The following CADPS2 variants were observed in gnomAD, a reference collection of about 807,000 sequenced individuals.
CADPS2 encodes the protein calcium-dependent secretion activator 2.
CADPS2 carries 93 observed loss-of-function variants against 172.5 expected under a neutral mutation model. That is an observed-to-expected ratio of 0.54 (90% CI 0.46 to 0.64). CADPS2 has a LOEUF of 0.64. Among genes scored for constraint, CADPS2 ranks in the 30% least tolerant of loss-of-function variants. The pLI is 0.00. For missense variants in CADPS2, 1,420 were observed against 1,565.9 expected (o/e 0.91, Z 1.57); for synonymous variants, 546 against 555.2 (o/e 0.98, Z 0.23).
At chr7:122,774,123 TTTTCAA>T (rs1454750259) in intron 1 of CADPS2, among the ~76,000 whole-genome samples, 1 of 152,024 alleles carries the variant, frequency 6.6e-6, no homozygotes, top group Non-Finnish European at 1.5e-5. Flanking sequence ...TTCAATTACA[TTTTCAA>T]TTTCAATCAC....
intron 3 of CADPS2, among the ~76,000 whole-genome samples, chr7:122,634,572 A>T (rs2076881525): frequency 6.6e-6 from 1 of 152,116 alleles, no homozygotes; most frequent in South Asian, 2.1e-4. Context: ...TTGTTAATCT[A>T]GCTAGCAGTC....
intron 7 of CADPS2, among the ~76,000 whole-genome samples, chr7:122,557,735 A>G (rs534210662): frequency 3.0e-4 from 45 of 152,218 alleles, no homozygotes; most frequent in Non-Finnish European, 5.1e-4. Flanking sequence ...TGGTGGCCAC[A>G]AGGGTGAACT....
chr7:122,723,599 C>T (rs995720526), intron 2 of CADPS2, among the ~76,000 whole-genome samples: 3 of 152,148 alleles, frequency 2.0e-5, no homozygotes, highest in East Asian at 3.9e-4. Flanking sequence ...ACTAGTTCAA[C>T]CATTGTGGAA....
intron 3 of CADPS2, among the ~76,000 whole-genome samples, chr7:122,641,845 G>C (rs2077679754): frequency 6.6e-6 from 1 of 151,218 alleles, no homozygotes; most frequent in Non-Finnish European, 1.5e-5. Flanking sequence ...GGCTCTCCAG[G>C]AGTTCATATG....
chr7:122,489,032 C>G (rs574793818), intron 11 of CADPS2, among the ~76,000 whole-genome samples: 1 of 151,888 alleles, frequency 6.6e-6, no homozygotes, highest in Non-Finnish European at 1.5e-5. Context: ...GATGACAATG[C>G]TACTAATTTT....
intron 28 of CADPS2, among the ~76,000 whole-genome samples, chr7:122,335,522 T>C (rs1005095805): frequency 6.6e-6 from 1 of 152,210 alleles, no homozygotes; most frequent in Non-Finnish European, 1.5e-5. Flanking sequence ...CTTTAAGTTA[T>C]GTAGCCAGTG....
intron 1 of CADPS2, among the ~76,000 whole-genome samples, chr7:122,868,745 G>A (rs1818944062): frequency 6.6e-6 from 1 of 152,198 alleles, no homozygotes; most frequent in Admixed American, 6.5e-5. Flanking sequence ...AATGAATGGA[G>A]ATATGTTTCT....
intron 1 of CADPS2, among the ~76,000 whole-genome samples, chr7:122,818,919 C>T (rs1584609432): frequency 2.0e-5 from 3 of 152,156 alleles, no homozygotes; most frequent in Non-Finnish European, 2.9e-5. Flanking sequence ...CCTAAAAGGT[C>T]AAAAGGCCGT....
chr7:122,688,147 C>T (rs2083874001), intron 2 of CADPS2, among the ~76,000 whole-genome samples: 1 of 152,190 alleles, frequency 6.6e-6, no homozygotes. Flanking sequence ...CTCCCCCTGA[C>T]CCATACCCAC....
chr7:122,771,787 A>G (rs2093710688), intron 1 of CADPS2, among the ~76,000 whole-genome samples: 2 of 152,204 alleles, frequency 1.3e-5, no homozygotes, highest in Admixed American at 1.3e-4. Context: ...TAAGCAATGC[A>G]GTAAGGCTAA....
At chr7:122,625,251 T>C (rs955166896) in intron 4 of CADPS2, among the ~76,000 whole-genome samples, 5 of 151,972 alleles carry the variant, frequency 3.3e-5, no homozygotes, top group African/African-American at 1.2e-4. Context: ...GGTTTCTCCA[T>C]GTTGGTCAGG....
At chr7:122,839,128 A>G (rs1809552373) in intron 1 of CADPS2, among the ~76,000 whole-genome samples, 1 of 152,196 alleles carries the variant, frequency 6.6e-6, no homozygotes, top group African/African-American at 2.4e-5. Flanking sequence ...AATACCACAC[A>G]TCTATAACCA....
intron 6 of CADPS2, among the ~76,000 whole-genome samples, chr7:122,595,751 A>G (rs561202654): frequency 6.6e-6 from 1 of 152,220 alleles, no homozygotes; most frequent in Admixed American, 6.5e-5. Flanking sequence ...ATTTCCAACT[A>G]CACAGAAGTA....
chr7:122,496,703 C>A (rs982982766), intron 9 of CADPS2, among the ~76,000 whole-genome samples: 7 of 152,086 alleles, frequency 4.6e-5, no homozygotes, highest in South Asian at 4.1e-4. Context: ...TCATTGTTAT[C>A]AGAATAATTC....
At chr7:122,813,463 T>C (rs142428163) in intron 1 of CADPS2, among the ~76,000 whole-genome samples, 161 of 152,250 alleles carry the variant, frequency 1.1e-3, no homozygotes, top group African/African-American at 3.4e-3. Context: ...TCATTTCAAA[T>C]TGTTTATTAC....
intron 14 of CADPS2, 95 bp downstream of exon 14, chr7:122,471,280 C>A (rs2152160137): frequency 1.0e-3 from 356 of 351,402 alleles, no homozygotes; most frequent in East Asian, 1.4e-3. Context: ...TTGCTATTTA[C>A]AATCTGTTAC....
At chr7:122,501,815 C>T (rs898172498) in intron 9 of CADPS2, among the ~76,000 whole-genome samples, 4 of 135,440 alleles carry the variant, frequency 3.0e-5, no homozygotes, top group African/African-American at 1.1e-4. Context: ...GTAGAGGTTG[C>T]AGTGAGCTGA....
intron 14 of CADPS2, among the ~76,000 whole-genome samples, chr7:122,460,492 C>A (rs568562223): frequency 6.6e-6 from 1 of 151,706 alleles, no homozygotes; most frequent in South Asian, 2.1e-4. Context: ...ATAGTGCACT[C>A]CCTAACATCA....
At chr7:122,522,280 A>G (rs1021138614) in intron 8 of CADPS2, among the ~76,000 whole-genome samples, 2 of 151,888 alleles carry the variant, frequency 1.3e-5, no homozygotes, top group Admixed American at 6.6e-5. Context: ...ATACCCAGCT[A>G]ATTTTTGTAC....
Sources: allele counts gnomAD v4.1 joint callset (sites outside exome capture counted in the v4.1 genomes callset), GRCh38; gene constraint gnomAD v4.1.1; transcripts MANE v1.5; gene names NCBI Gene and HGNC (gene_info 2026-07-23, HGNC 2026-07-21).